The following LRMDA variants were observed in gnomAD, a reference collection of about 807,000 sequenced individuals.
LRMDA encodes leucine rich melanocyte differentiation associated.
In LRMDA, 18 loss-of-function variants were observed where a neutral mutation model predicts 29.8. The observed-to-expected ratio is 0.60, with a 90% CI of 0.42 to 0.90. The LOEUF is 0.90. Among genes scored for constraint, LRMDA ranks in the 40% least tolerant of loss-of-function variants. The pLI is 0.00. For missense variants in LRMDA, 273 were observed against 273.9 expected (o/e 1.00, Z 0.02); for synonymous variants, 125 against 109.4 (o/e 1.14, Z -0.89).
intron 5 of LRMDA, among the ~76,000 whole-genome samples, chr10:76,323,436 A>G (rs1296310206): frequency 6.6e-6 from 1 of 152,156 alleles, no homozygotes; most frequent in Non-Finnish European, 1.5e-5. Flanking sequence ...TTACTTTTTC[A>G]TGAAGCTTGG....
intron 6 of LRMDA, among the ~76,000 whole-genome samples, chr10:76,409,346 C>T (rs998198677): frequency 1.3e-5 from 2 of 152,158 alleles, no homozygotes; most frequent in Non-Finnish European, 2.9e-5. Context: ...TATTTATATC[C>T]TACTACTCAA....
chr10:76,355,504 A>G (rs1841228497), intron 6 of LRMDA, among the ~76,000 whole-genome samples: 1 of 152,220 alleles, frequency 6.6e-6, no homozygotes, highest in Non-Finnish European at 1.5e-5. Context: ...TGATGTGATC[A>G]AGGAAGAATA....
chr10:75,590,212 T>G (rs1420191955), intron 2 of LRMDA, among the ~76,000 whole-genome samples: 4 of 151,774 alleles, frequency 2.6e-5, no homozygotes, highest in Non-Finnish European at 5.9e-5. Context: ...TAGGTGGGGG[T>G]CTCACTAAGT....
At chr10:75,674,327 C>T (rs1048782485) in intron 2 of LRMDA, among the ~76,000 whole-genome samples, 1 of 152,110 alleles carries the variant, frequency 6.6e-6, no homozygotes, top group African/African-American at 2.4e-5. Flanking sequence ...GTTCCCTTAT[C>T]TTTAAATGCA....
chr10:76,479,047 T>G (rs949421629), intron 6 of LRMDA, among the ~76,000 whole-genome samples: 1 of 151,208 alleles, frequency 6.6e-6, no homozygotes, highest in Non-Finnish European at 1.5e-5. Flanking sequence ...TAAAGTATAA[T>G]AAAAATATAT....
chr10:75,602,687 T>C (rs1840902572), intron 2 of LRMDA, among the ~76,000 whole-genome samples: 1 of 152,186 alleles, frequency 6.6e-6, no homozygotes, highest in South Asian at 2.1e-4. Flanking sequence ...CCTTCCTCAT[T>C]CATTTGATAG....
chr10:76,357,314 A>T (rs1447259401), intron 6 of LRMDA, among the ~76,000 whole-genome samples: 1 of 152,188 alleles, frequency 6.6e-6, no homozygotes, highest in Non-Finnish European at 1.5e-5. Flanking sequence ...CTCGATCCAG[A>T]TTCTGGGTTT....
At chr10:75,858,786 C>G (rs1844870229) in intron 2 of LRMDA, among the ~76,000 whole-genome samples, 1 of 152,228 alleles carries the variant, frequency 6.6e-6, no homozygotes, top group Non-Finnish European at 1.5e-5. Flanking sequence ...TTTAACTACA[C>G]AGGTATTCTC....
At chr10:75,688,817 C>A (rs1842112102) in intron 2 of LRMDA, among the ~76,000 whole-genome samples, 1 of 152,182 alleles carries the variant, frequency 6.6e-6, no homozygotes, top group African/African-American at 2.4e-5. Flanking sequence ...CCTGATCAGT[C>A]AGCAGCCATC....
chr10:76,380,670 T>TAAAA (rs531185581), intron 6 of LRMDA, among the ~76,000 whole-genome samples: 4 of 54,676 alleles, frequency 7.3e-5, no homozygotes, highest in Admixed American at 2.0e-4. Context: ...CTCCACTTCA[T>TAAAA]AAAAAAAAAA....
intron 2 of LRMDA, among the ~76,000 whole-genome samples, chr10:75,797,086 C>T (rs1843666227): frequency 6.6e-6 from 1 of 151,698 alleles, no homozygotes; most frequent in African/African-American, 2.4e-5. Context: ...CCAATGAAAC[C>T]CTTTGGGCCT....
chr10:75,486,357 A>G (rs919881282), intron 2 of LRMDA, among the ~76,000 whole-genome samples: 3 of 152,210 alleles, frequency 2.0e-5, no homozygotes, highest in Admixed American at 2.0e-4. Context: ...CACTTCTTGT[A>G]GTTCTTGTTT....
At chr10:76,247,225 A>G (rs775420034) in intron 5 of LRMDA, among the ~76,000 whole-genome samples, 14 of 152,026 alleles carry the variant, frequency 9.2e-5, no homozygotes, top group Non-Finnish European at 1.8e-4. Context: ...ACAAAACTAC[A>G]TTTTCTGATT....
At chr10:76,288,985 G>T (rs1463181974) in intron 5 of LRMDA, among the ~76,000 whole-genome samples, 1 of 152,142 alleles carries the variant, frequency 6.6e-6, no homozygotes, top group Non-Finnish European at 1.5e-5. Flanking sequence ...AAACATAAAA[G>T]ATATTTAATA....
rs1189621079 is a variant in LRMDA at position 76,144,844 on chromosome 10, C to G, written c.516+86061C>G. Reference sequence around the variant, plus strand: ...GGCTGTGGGTTTGTCATAGATAGCTCTTATTATTTTGAGATACGTCCCATC... The same window carrying G: ...GGCTGTGGGTTTGTCATAGATAGCTGTTATTATTTTGAGATACGTCCCATC... On this transcript the variant is annotated intron_variant, in intron 5 of 6. Coordinates refer to ENST00000611255, the MANE Select transcript of LRMDA (RefSeq NM_001305581.2). Among the ~76,000 whole-genome samples the G allele has an allele frequency of 2.6e-5, 4 of 152,040 alleles. No individual in the cohort carries two copies. The East Asian group carries it at 7.7e-4, about 29-fold the overall frequency.
In LRMDA at chr10:76,529,746, G is replaced by A. The variant is rs558948511; in HGVS notation, c.602-27463G>A. ...TTTCCTTGATCTTCTCTGGTAGGGAGACTATAGCTCTTTTGGGTAGAAAAT... is the reference window on the plus strand; with the variant it reads ...TTTCCTTGATCTTCTCTGGTAGGGAAACTATAGCTCTTTTGGGTAGAAAAT... On this transcript the variant is annotated intron_variant, in intron 6 of 6. Transcript: ENST00000611255. Among the ~76,000 whole-genome samples the A allele has an allele frequency of 2.6e-5, 4 of 152,244 alleles. No homozygotes were observed. The East Asian group carries it at 7.7e-4, about 29-fold the overall frequency.
intron 5 of LRMDA, among the ~76,000 whole-genome samples, chr10:76,222,430 AC>A: frequency 6.6e-6 from 1 of 152,332 alleles, no homozygotes; most frequent in South Asian, 2.1e-4. Context: ...CAAGAAAAAA[AC>A]AAACAACCCC....
intron 5 of LRMDA, among the ~76,000 whole-genome samples, chr10:76,294,231 G>A (rs912906906): frequency 1.3e-5 from 2 of 152,158 alleles, no homozygotes; most frequent in African/African-American, 4.8e-5. Flanking sequence ...AGAGCAATAG[G>A]TTCACTTGGA....
chr10:76,195,708 G>A (rs1865638), intron 5 of LRMDA, among the ~76,000 whole-genome samples: 47,504 of 152,088 alleles, frequency 0.31, 9,192 homozygotes, highest in East Asian at 0.59. Context: ...GAGAGCAGCC[G>A]ACATATTGTT....
Sources: allele counts gnomAD v4.1 joint callset (sites outside exome capture counted in the v4.1 genomes callset), GRCh38; gene constraint gnomAD v4.1.1; transcripts MANE v1.5; gene names NCBI Gene and HGNC (gene_info 2026-07-23, HGNC 2026-07-21).